Variants in DDX39A observed in about 807,000 individuals in gnomAD.
DDX39A encodes the protein ATP-dependent RNA helicase DDX39A.
In DDX39A, 13 loss-of-function variants were observed where a neutral mutation model predicts 46.3. The observed-to-expected ratio is 0.28, with a 90% CI of 0.18 to 0.45. DDX39A has a LOEUF of 0.45. Among genes scored for constraint, DDX39A ranks in the 20% least tolerant of loss-of-function variants. The pLI, the probability that DDX39A is intolerant of heterozygous loss-of-function variation, is 1.00. For missense variants in DDX39A, 352 were observed against 581.8 expected (o/e 0.61, Z 4.06); for synonymous variants, 234 against 224.6 (o/e 1.04, Z -0.38).
Position 14,410,138 on chromosome 19 carries a change from TG to T in DDX39A, c.732+77del. Reference sequence around the variant, plus strand: ...GCATCCCAGCATCCTCCGTGCCATGTGGGCCGTGCGGGTGTCCTGGGGCCCC... The same window carrying T: ...GCATCCCAGCATCCTCCGTGCCATGTGGCCGTGCGGGTGTCCTGGGGCCCC... On this transcript the variant is annotated intron_variant, in intron 6 of 10. Coordinates refer to ENST00000242776, the MANE Select transcript of DDX39A (RefSeq NM_005804.4). The surrounding 1 kb of genome is among the most constrained non-coding windows in gnomAD (Gnocchi z 4.3). 7.7e-7 allele frequency: 1 copy of T among 1,298,006 alleles called. No homozygotes were observed. Among genetic ancestry groups the T allele is most frequent in the Non-Finnish European group, 1.1e-6 (1 of 897,604 alleles). 80.4% of individuals were successfully genotyped at this position (1,298,006 alleles called of 1,614,324 possible). A position where few individuals can be genotyped will look rare whatever the true frequency, so the allele number is the denominator to read the frequency against.
intron 1 of DDX39A, among the ~76,000 whole-genome samples, chr19:14,417,413 G>T (rs1011373539): frequency 1.4e-5 from 2 of 146,244 alleles, no homozygotes; most frequent in Non-Finnish European, 3.0e-5. Context: ...TTGAGCCCAG[G>T]AGTTCGAGAC....
At position 14,411,789 on chromosome 19, in the gene DDX39A, T is replaced by C. The variant is rs1976601417; in HGVS notation, c.337-191A>G. Among the ~76,000 whole-genome samples, 1 of 151,830 alleles carries C rather than the reference T, an allele frequency of 6.6e-6. No individual in the cohort carries two copies. The highest frequency in any genetic ancestry group is 2.4e-5 in the African/African-American group (1 of 41,302). Reference sequence around the variant, plus strand: ...CACTCCCTATACCCTCCCACAGCTATTGAAACCTGTCTCCCAACACCAGGA... The same window carrying C: ...CACTCCCTATACCCTCCCACAGCTACTGAAACCTGTCTCCCAACACCAGGA... On this transcript the variant is annotated intron_variant, in intron 3 of 10. Coordinates refer to ENST00000242776, the MANE Select transcript of DDX39A (RefSeq NM_005804.4). This position sits in a 1 kb window ranked among gnomAD's most constrained non-coding sequence, Gnocchi z 4.1.
At position 14,409,410 on chromosome 19, in the gene DDX39A, G is replaced by T; in HGVS notation, c.1012C>A (p.Arg338=). Residue 338 remains arginine (R), a synonymous_variant, in exon 9 of 11, where the codon CGG becomes AGG. Coordinates refer to ENST00000242776, the MANE Select transcript of DDX39A (RefSeq NM_005804.4). This position sits in a 1 kb window ranked among gnomAD's most constrained non-coding sequence, Gnocchi z 8.3. The stretch of plus-strand genomic sequence containing the variant: ...AACAGATTGGTGGCCACCAGGATCC[G>T]CCGCTGGAAATCCTTGAACTGCTGA... ...RYQQFKDFQR[R]ILVATNLFGR... The T allele has an allele frequency of 6.2e-7, 1 of 1,614,182 alleles. No individual in the cohort carries two copies. The highest frequency in any genetic ancestry group is 8.5e-7 in the Non-Finnish European group (1 of 1,180,036).
intron 1 of DDX39A, among the ~76,000 whole-genome samples, chr19:14,415,785 G>A (rs1976787606): frequency 6.6e-6 from 1 of 151,286 alleles, no homozygotes; most frequent in African/African-American, 2.4e-5. Flanking sequence ...ATCAAACTAA[G>A]TCACGGCCAG....
At position 14,410,566 on chromosome 19, in the gene DDX39A, C is replaced by T. The variant is rs562061853; in HGVS notation, c.614-232G>A. 247 of 557,010 alleles carry T rather than the reference C, an allele frequency of 4.4e-4. No homozygotes were observed. The highest frequency in any genetic ancestry group is 6.9e-4 in the Non-Finnish European group (213 of 308,110). 34.5% of individuals were successfully genotyped at this position (557,010 alleles called of 1,614,324 possible). A position where few individuals can be genotyped will look rare whatever the true frequency, so the allele number is the denominator to read the frequency against. On this transcript the variant is annotated intron_variant, in intron 5 of 10. Coordinates refer to ENST00000242776, the MANE Select transcript of DDX39A (RefSeq NM_005804.4). This position sits in a 1 kb window ranked among gnomAD's most constrained non-coding sequence, Gnocchi z 4.3. ...CACTTACACGCTGGCGCGGAGCAGC[C>T]GTGCCCGTGCGCCTCGAGCCACGCT... is the stretch of plus-strand genomic sequence containing the variant.
chr19:14,412,961 GGTCTT>G lies in DDX39A; in HGVS notation c.208+47_208+51del. 1 of 1,577,222 alleles carries G rather than the reference GGTCTT, an allele frequency of 6.3e-7. No homozygotes were observed. Among genetic ancestry groups the G allele is most frequent in the Non-Finnish European group, 8.7e-7 (1 of 1,155,700 alleles). ...GGCACCGCTCTGGGCGGGCAGGGCT[GGTCTT>G]GTCTTGGTGAGGACCTGGGCAAGAG... On this transcript the variant is annotated intron_variant, in intron 2 of 10. Transcript: ENST00000242776. The surrounding 1 kb of genome is among the most constrained non-coding windows in gnomAD (Gnocchi z 4.4).
chr19:14,411,290 C>T lies in DDX39A; in HGVS notation c.430-118G>A, dbSNP rs1976580230. On this transcript the variant is annotated intron_variant, in intron 4 of 10. Transcript: ENST00000242776. This position sits in a 1 kb window ranked among gnomAD's most constrained non-coding sequence, Gnocchi z 4.1. ...GGACCAAGGCAGGCCTGAGAGCCTC[C>T]CGGGGCTCCACTCAAAGGCAGCCCC... 2 of 1,258,136 alleles carry T rather than the reference C, an allele frequency of 1.6e-6. No individual in the cohort carries two copies. Among genetic ancestry groups the T allele is most frequent in the African/African-American group, 1.5e-5 (1 of 66,638 alleles). 77.9% of individuals were successfully genotyped at this position (1,258,136 alleles called of 1,614,324 possible). A position where few individuals can be genotyped will look rare whatever the true frequency, so the allele number is the denominator to read the frequency against.
At position 14,409,784 on chromosome 19, in the gene DDX39A, GT is replaced by G; in HGVS notation, c.821del (p.Asn274ThrfsTer16). On this transcript the variant is annotated frameshift_variant, in exon 7 of 11. Coordinates refer to ENST00000242776, the MANE Select transcript of DDX39A (RefSeq NM_005804.4). LOFTEE classifies it high-confidence loss of function. The surrounding 1 kb of genome is among the most constrained non-coding windows in gnomAD (Gnocchi z 8.3). ...YYVKLKDSEK[N>X]RKLFDLLDVL... ...CATCCAAGAGATCAAAGAGCTTGCGGTTCTTCTCACTGTCTTTGAGTTTGAC... is the reference window on the plus strand; with the variant it reads ...CATCCAAGAGATCAAAGAGCTTGCGGTCTTCTCACTGTCTTTGAGTTTGAC... 6.2e-7 allele frequency: 1 copy of G among 1,614,152 alleles called. No homozygotes were observed. The highest frequency in any genetic ancestry group is 8.5e-7 in the Non-Finnish European group (1 of 1,180,036).
intron 1 of DDX39A, among the ~76,000 whole-genome samples, chr19:14,417,598 A>G (rs973524051): frequency 4.6e-5 from 7 of 152,168 alleles, no homozygotes; most frequent in African/African-American, 1.7e-4. Context: ...ACAAACCTGC[A>G]CGTTGTGCAC....
chr19:14,411,364 CT>C lies in DDX39A; in HGVS notation c.429+141del. 9.7e-7 allele frequency: 1 copy of C among 1,029,156 alleles called. No individual in the cohort carries two copies. 63.8% of individuals were successfully genotyped at this position (1,029,156 alleles called of 1,614,324 possible). A position where few individuals can be genotyped will look rare whatever the true frequency, so the allele number is the denominator to read the frequency against. ...TGGGAGCCATGCATAATTCATCAGGCTTTTAAGGAGCAAAAACCACCGCAAA... is the reference window on the plus strand; with the variant it reads ...TGGGAGCCATGCATAATTCATCAGGCTTTAAGGAGCAAAAACCACCGCAAA... On this transcript the variant is annotated intron_variant, in intron 4 of 10. Coordinates refer to ENST00000242776, the MANE Select transcript of DDX39A (RefSeq NM_005804.4). This position sits in a 1 kb window ranked among gnomAD's most constrained non-coding sequence, Gnocchi z 4.1.
chr19:14,409,543 C>A lies in DDX39A; in HGVS notation c.967G>T (p.Glu323Ter). The A allele has an allele frequency of 6.2e-7, 1 of 1,609,650 alleles. No individual in the cohort carries two copies. The highest frequency in any genetic ancestry group is 8.5e-7 in the Non-Finnish European group (1 of 1,178,688). The change falls in exon 8 of 11, where the codon GAG becomes TAG. Residue 323 changes from glutamate (E) to a stop codon, truncating the protein, a stop_gained. Transcript: ENST00000242776. LOFTEE classifies it high-confidence loss of function. This position sits in a 1 kb window ranked among gnomAD's most constrained non-coding sequence, Gnocchi z 8.3. ...AIAIHRGMAQ[E>*]ERLSRYQQFK... is the part of the protein sequence containing the mutation. ...CGGGCGGCTCGCACTCACCGCTCCT[C>A]CTGGGCCATGCCCCGGTGGATGGCG...
At chr19:14,415,148 C>T (rs1489493001) in intron 1 of DDX39A, among the ~76,000 whole-genome samples, 10 of 152,052 alleles carry the variant, frequency 6.6e-5, no homozygotes, top group East Asian at 1.9e-4. Context: ...ACCCCAGCCC[C>T]GGGCAACCAC....
chr19:14,415,393 G>C (rs1380236589), intron 1 of DDX39A, among the ~76,000 whole-genome samples: 1 of 151,882 alleles, frequency 6.6e-6, no homozygotes, highest in South Asian at 2.1e-4. Context: ...TCTGCCTCCC[G>C]GGCTCAATCA....
At chr19:14,416,057 CCAAGA>C in intron 1 of DDX39A, 1 of 152,236 alleles carries the variant, frequency 6.6e-6, no homozygotes, top group South Asian at 2.0e-4. Context: ...CAGAGCAAGA[CCAAGA>C]CTCTGTCTCA....
At position 14,409,272 on chromosome 19, in the gene DDX39A, G is replaced by T. The variant is rs769842789; in HGVS notation, c.1119+31C>A. On this transcript the variant is annotated intron_variant, in intron 9 of 10. Transcript: ENST00000242776. This position sits in a 1 kb window ranked among gnomAD's most constrained non-coding sequence, Gnocchi z 8.3. ...GGCTGGGGCCCCACCCCACCGCCAGGGGAAAGCAACATGCCCGTGAGGCTG... is the reference window on the plus strand; with the variant it reads ...GGCTGGGGCCCCACCCCACCGCCAGTGGAAAGCAACATGCCCGTGAGGCTG... 3 of 1,613,692 alleles carry T rather than the reference G, an allele frequency of 1.9e-6. No individual in the cohort carries two copies. Among genetic ancestry groups the T allele is most frequent in the Admixed American group, 3.3e-5 (2 of 60,010 alleles).
In DDX39A at chr19:14,412,893, C is replaced by G. The variant is rs1214226609; in HGVS notation, c.208+120G>C. 4.6e-6 allele frequency: 6 copies of G among 1,311,096 alleles called. No homozygotes were observed. The highest frequency in any genetic ancestry group is 6.3e-6 in the Non-Finnish European group (6 of 955,182). The allele number at this position is 1,311,096 out of a possible 1,614,324, so 81.2% of individuals were successfully genotyped here. ...GGCCCCGCTGGGCACAACTGATCCG[C>G]GGGACAGACGGGCCCCTCCCTCACC... On this transcript the variant is annotated intron_variant, in intron 2 of 10. Coordinates refer to ENST00000242776, the MANE Select transcript of DDX39A (RefSeq NM_005804.4). This position sits in a 1 kb window ranked among gnomAD's most constrained non-coding sequence, Gnocchi z 4.4.
In DDX39A at chr19:14,409,583, C is replaced by T; in HGVS notation, c.927G>A (p.Gln309=). 1 of 1,611,616 alleles carries T rather than the reference C, an allele frequency of 6.2e-7. No homozygotes were observed. Among genetic ancestry groups the T allele is most frequent in the Non-Finnish European group, 8.5e-7 (1 of 1,179,374 alleles). ...GGTGGATGGCGATGGCCGGGAAGTT[C>T]TGCTCCACGAGGAGCTGGGCCAGGG... ...CMALAQLLVE[Q]NFPAIAIHRG... Residue 309 remains glutamine, a synonymous_variant, in exon 8 of 11, where the codon CAG becomes CAA. Transcript: ENST00000242776. The surrounding 1 kb of genome is among the most constrained non-coding windows in gnomAD (Gnocchi z 8.3).
chr19:14,412,805 A>G lies in DDX39A; in HGVS notation c.209-127T>C. The G allele has an allele frequency of 7.3e-7, 1 of 1,374,002 alleles. No individual in the cohort carries two copies. Among genetic ancestry groups the G allele is most frequent in the Non-Finnish European group, 9.8e-7 (1 of 1,018,016 alleles). 85.1% of individuals were successfully genotyped at this position (1,374,002 alleles called of 1,614,324 possible). On this transcript the variant is annotated intron_variant, in intron 2 of 10. Transcript: ENST00000242776. This position sits in a 1 kb window ranked among gnomAD's most constrained non-coding sequence, Gnocchi z 4.4. ...GCCGAGTCCGGACAAGGCCACAGAC[A>G]CCTGCAGGGCTGGGGTATCCGCCTG...
chr19:14,410,028 G>C lies in DDX39A; in HGVS notation c.733-155C>G, dbSNP rs1253752592. ...AACATCGCTCAAAAGCTGGATGTAA[G>C]CTCTGGCCCGACTCAGGTGTGGACC... On this transcript the variant is annotated intron_variant, in intron 6 of 10. Transcript: ENST00000242776. This position sits in a 1 kb window ranked among gnomAD's most constrained non-coding sequence, Gnocchi z 4.3. 8.9e-7 allele frequency: 1 copy of C among 1,129,436 alleles called. No individual in the cohort carries two copies. The highest frequency in any genetic ancestry group is 2.4e-5 in the East Asian group (1 of 42,348). The allele number at this position is 1,129,436 out of a possible 1,614,324, so 70.0% of individuals were successfully genotyped here. A position where few individuals can be genotyped will look rare whatever the true frequency, so the allele number is the denominator to read the frequency against.
Sources: allele counts gnomAD v4.1 joint callset (sites outside exome capture counted in the v4.1 genomes callset), GRCh38; gene constraint gnomAD v4.1.1; non-coding constraint Gnocchi (gnomAD v3.1); transcripts MANE v1.5; gene names NCBI Gene and HGNC (gene_info 2026-07-23, HGNC 2026-07-21).